Variants in ERC2 observed in about 807,000 individuals in gnomAD.
The protein encoded by ERC2 is ERC protein 2.
Under a neutral mutation model 114.8 loss-of-function variants are expected in ERC2, and 42 were observed. That is an observed-to-expected ratio of 0.37 (90% confidence interval 0.29 to 0.47). The LOEUF is 0.47. ERC2 is among the 20% of genes least tolerant of loss of function. ERC2 has a pLI of 0.99. For synonymous variants in ERC2, 454 were observed against 425.5 expected (o/e 1.07, Z -0.82); for missense variants, 939 against 1,150.7 (o/e 0.82, Z 2.66).
intron 17 of ERC2, among the ~76,000 whole-genome samples, chr3:55,624,346 T>C (rs1266075543): frequency 6.6e-6 from 1 of 151,880 alleles, no homozygotes; most frequent in East Asian, 1.9e-4. Flanking sequence ...CCTAATATGG[T>C]TGGAAATAAA....
chr3:55,533,907 G>A (rs769751577), intron 17 of ERC2, among the ~76,000 whole-genome samples: 7 of 152,184 alleles, frequency 4.6e-5, no homozygotes, highest in Non-Finnish European at 7.3e-5. Context: ...CCAGCGAGGG[G>A]CAGGTCACCC....
intron 15 of ERC2, among the ~76,000 whole-genome samples, chr3:55,719,798 C>T (rs1043846202): frequency 1.3e-5 from 2 of 152,074 alleles, no homozygotes; most frequent in Non-Finnish European, 1.5e-5. Flanking sequence ...GGAAGCCAAA[C>T]CACATCTCAA....
chr3:55,743,593 C>CAAAAAAAAAAAAAAAAA (rs367859231), intron 14 of ERC2, among the ~76,000 whole-genome samples: 55 of 96,986 alleles, frequency 5.7e-4, no homozygotes, highest in East Asian at 9.1e-4. Context: ...CCTGATCCAC[C>CAAAAAAAAAAAAAAAAA]AAAAAAAAAA....
At chr3:55,955,100 C>G (rs2067847169) in intron 12 of ERC2, 1 of 503,254 alleles carries the variant, frequency 2.0e-6, no homozygotes. Context: ...AATAGGAATG[C>G]CTATTTGGAT....
At chr3:56,008,191 AAGAC>A (rs2149564918) in intron 9 of ERC2, among the ~76,000 whole-genome samples, 1 of 152,306 alleles carries the variant, frequency 6.6e-6, no homozygotes, top group Non-Finnish European at 1.5e-5. Context: ...GAAGATACTA[AAGAC>A]ACAATGGTCT....
rs548991873 is a variant in ERC2 at position 55,543,282 on chromosome 3, G to C, written c.*40-32006C>G. On this transcript the variant is annotated intron_variant, in intron 17 of 17. Transcript: ENST00000288221. ...ATCTGCACTTGGAGGGAGAGCTACAGGGAGACAGGGTTACATCAGCCAGTA... is the reference window on the plus strand; with the variant it reads ...ATCTGCACTTGGAGGGAGAGCTACACGGAGACAGGGTTACATCAGCCAGTA... Among the ~76,000 whole-genome samples, 6 of 152,346 alleles carry C rather than the reference G, an allele frequency of 3.9e-5. No homozygotes were observed. The South Asian group carries it at 1.2e-3, about 32-fold the overall frequency.
At chr3:56,108,376 A>T (rs954422152) in intron 6 of ERC2, among the ~76,000 whole-genome samples, 48 of 152,162 alleles carry the variant, frequency 3.2e-4, no homozygotes, top group African/African-American at 1.1e-3. Context: ...ATATTTTCAA[A>T]GTAGAAATAG....
intron 7 of ERC2, among the ~76,000 whole-genome samples, chr3:56,070,184 A>G (rs2076663926): frequency 6.6e-6 from 1 of 152,226 alleles, no homozygotes; most frequent in Non-Finnish European, 1.5e-5. Context: ...GATAAGTAAA[A>G]AAAGACAGAA....
chr3:56,413,491 C>G (rs2061023078), intron 2 of ERC2, among the ~76,000 whole-genome samples: 1 of 152,028 alleles, frequency 6.6e-6, no homozygotes. Context: ...TCAAAAAATC[C>G]CTGCATGGAA....
At chr3:56,320,063 C>T (rs936603740) in intron 2 of ERC2, among the ~76,000 whole-genome samples, 3 of 152,176 alleles carry the variant, frequency 2.0e-5, no homozygotes, top group Non-Finnish European at 4.4e-5. Context: ...TAATCAGGAA[C>T]CTCCAAACCA....
intron 17 of ERC2, among the ~76,000 whole-genome samples, chr3:55,593,982 G>A (rs1284978430): frequency 2.6e-5 from 4 of 152,110 alleles, no homozygotes; most frequent in East Asian, 3.9e-4. Flanking sequence ...CAGAAGTTAC[G>A]GTCCTGCCCA....
intron 14 of ERC2, among the ~76,000 whole-genome samples, chr3:55,873,065 A>G (rs1241678468): frequency 1.3e-5 from 2 of 152,320 alleles, no homozygotes; most frequent in East Asian, 1.9e-4. Flanking sequence ...AGGCCCCACA[A>G]GAAAGAATTA....
chr3:56,033,030 CAGAAAGAAAG>C (rs1291893058), intron 7 of ERC2, among the ~76,000 whole-genome samples: 1 of 65,184 alleles, frequency 1.5e-5, no homozygotes, highest in Admixed American at 1.8e-4. Context: ...AAAAAAGAAA[CAGAAAGAAAG>C]AAAGAAAGAA....
chr3:56,440,337 A>G (rs1044974377), intron 1 of ERC2, among the ~76,000 whole-genome samples: 3 of 152,108 alleles, frequency 2.0e-5, no homozygotes, highest in African/African-American at 7.2e-5. Context: ...AGGTCAGGAG[A>G]TCGAGACCAT....
chr3:55,535,675 T>A (rs1409815255), intron 17 of ERC2, among the ~76,000 whole-genome samples: 1 of 152,130 alleles, frequency 6.6e-6, no homozygotes, highest in African/African-American at 2.4e-5. Flanking sequence ...ATCTCCCCCA[T>A]CCTATGTGGA....
At chr3:56,153,858 A>T (rs1487702369) in intron 4 of ERC2, among the ~76,000 whole-genome samples, 1 of 152,188 alleles carries the variant, frequency 6.6e-6, no homozygotes, top group Non-Finnish European at 1.5e-5. Flanking sequence ...CAGGCCAAGA[A>T]AGAAGACATA....
rs548251381 is a variant in ERC2 at position 55,942,455 on chromosome 3, A to AT, written c.2403+7969dup. 9.1e-3 allele frequency among the ~76,000 whole-genome samples: 1,234 copies of AT among 135,740 alleles called. 8 individuals are homozygous for AT. Among genetic ancestry groups the AT allele is most frequent in the South Asian group, 0.023 (94 of 4,166 alleles). 89.1% of individuals were successfully genotyped at this position (135,740 alleles called of 152,430 possible). On this transcript the variant is annotated intron_variant, in intron 13 of 17. Coordinates refer to ENST00000288221, the MANE Select transcript of ERC2 (RefSeq NM_015576.3). Reference sequence around the variant, plus strand: ...AGGCGCCCGCCACTACGCCCGGCTAATTTTTTTTTTTTTTTGTATTTTTAG... The same window carrying AT: ...AGGCGCCCGCCACTACGCCCGGCTAATTTTTTTTTTTTTTTTGTATTTTTAG...
chr3:55,588,965 A>AGG (rs2057731616), intron 17 of ERC2, among the ~76,000 whole-genome samples: 1 of 151,966 alleles, frequency 6.6e-6, no homozygotes, highest in African/African-American at 2.4e-5. Context: ...TCCAATACAG[A>AGG]GGGAGGGTAG....
intron 17 of ERC2, among the ~76,000 whole-genome samples, chr3:55,516,925 G>A (rs1337106279): frequency 6.6e-6 from 1 of 152,152 alleles, no homozygotes; most frequent in Non-Finnish European, 1.5e-5. Context: ...TGCAGATGAG[G>A]AAACGAAAGC....
Sources: allele counts gnomAD v4.1 joint callset (sites outside exome capture counted in the v4.1 genomes callset), GRCh38; gene constraint gnomAD v4.1.1; transcripts MANE v1.5; gene names NCBI Gene and HGNC (gene_info 2026-07-23, HGNC 2026-07-21).